The following LYPD5 variants were observed in gnomAD, a reference collection of about 807,000 sequenced individuals.
The protein encoded by LYPD5 is ly6/PLAUR domain-containing protein 5.
A neutral mutation model predicts 19.1 loss-of-function variants in LYPD5; 21 were observed. The observed-to-expected ratio is 1.10, with a 90% CI of 0.78 to 1.58. LYPD5 has a LOEUF of 1.58. Among genes scored for constraint, LYPD5 ranks in the 40% most tolerant of loss-of-function variants. LYPD5 has a pLI of 0.00. For synonymous variants in LYPD5, 128 were observed against 142.7 expected, an observed-to-expected ratio of 0.90 and a Z score of 0.74; for missense variants, 287 against 329.8, an observed-to-expected ratio of 0.87 and a Z score of 1.00.
At chr19:43,799,027 A>C in intron 2 of LYPD5, 39 bp from the exon 3 acceptor site, 1 of 1,509,516 alleles carries the variant, frequency 6.6e-7, no homozygotes, top group Non-Finnish European at 8.9e-7. Flanking sequence ...GCTTCCCGAA[A>C]CCCTTCTCCC....
chr19:43,799,706 C>T lies in LYPD5; in HGVS notation c.193G>A (p.Gly65Arg), dbSNP rs373388413. The T allele has an allele frequency of 3.3e-5, 54 of 1,612,962 alleles. No homozygotes were observed. Among genetic ancestry groups the T allele is most frequent in the Non-Finnish European group, 4.3e-5 (51 of 1,179,590 alleles). ...CTGTCCCCCGGCTCCCGCTCCTTAC[C>T]GGTGTCCAGAGACAGGATAGCCTCA... Reference protein sequence around the residue: ...CFEAILSLDTGYRAPVTLVRK... With the variant: ...CFEAILSLDTRYRAPVTLVRK... The change falls in exon 2 of 5, where the codon GGG becomes AGG. Residue 65 changes from glycine (G) to arginine (R), a missense_variant and splice_region_variant. By Grantham distance (125) the Gly-to-Arg change is moderately radical (BLOSUM62 -2). Transcript: ENST00000377950.
chr19:43,796,364 T>G lies in LYPD5; in HGVS notation c.*1227A>C, dbSNP rs1336988392. ...AACATGCTAAAGGATCCCATCTCTATGAAGTTCATGCAGTTATGAAAGTGT... is the reference window on the plus strand; with the variant it reads ...AACATGCTAAAGGATCCCATCTCTAGGAAGTTCATGCAGTTATGAAAGTGT... On this transcript the variant is annotated 3_prime_UTR_variant, in exon 5 of 5. Transcript: ENST00000377950. 1 of 148,696 alleles carries G rather than the reference T, an allele frequency of 6.7e-6. No homozygotes were observed. Among genetic ancestry groups the G allele is most frequent in the East Asian group, 1.9e-4 (1 of 5,168 alleles). 9.2% of individuals were successfully genotyped at this position (148,696 alleles called of 1,614,324 possible). A position where few individuals can be genotyped will look rare whatever the true frequency, so the allele number is the denominator to read the frequency against.
In LYPD5 at chr19:43,796,699, T is replaced by A. The variant is rs1292217332; in HGVS notation, c.*892A>T. Reference sequence around the variant, plus strand: ...GGGAATCTGGTCCCTGAATCCATACTCACTAGATACACAAGCTCAACCAAG... The same window carrying A: ...GGGAATCTGGTCCCTGAATCCATACACACTAGATACACAAGCTCAACCAAG... On this transcript the variant is annotated 3_prime_UTR_variant, in exon 5 of 5. Transcript: ENST00000377950. 1 of 152,192 alleles carries A rather than the reference T, an allele frequency of 6.6e-6. No individual in the cohort carries two copies. Among genetic ancestry groups the A allele is most frequent in the Non-Finnish European group, 1.5e-5 (1 of 68,056 alleles). The allele number at this position is 152,192 out of a possible 1,614,324, so 9.4% of individuals were successfully genotyped here. A position where few individuals can be genotyped will look rare whatever the true frequency, so the allele number is the denominator to read the frequency against.
At chr19:43,804,900 T>A (rs1238724063), upstream of LYPD5, among the ~76,000 whole-genome samples, 1 of 152,194 alleles carries the variant, frequency 6.6e-6, no homozygotes, top group Non-Finnish European at 1.5e-5. Flanking sequence ...GCTTACAGGG[T>A]AGGCAGACCA....
chr19:43,816,425 A>G (rs1220178367), intron 1 of LYPD5, among the ~76,000 whole-genome samples: 2 of 152,216 alleles, frequency 1.3e-5, no homozygotes, highest in African/African-American at 4.8e-5. Flanking sequence ...TGTGGACTAC[A>G]ATATGACGGA....
chr19:43,802,573 C>T (rs1232116655), upstream of LYPD5: 1 of 586,908 alleles, frequency 1.7e-6, no homozygotes, highest in East Asian at 2.9e-5. Context: ...TGGAGATCTA[C>T]ACTTCTGGGT....
Position 43,799,836 on chromosome 19 carries a change from TG to T in LYPD5, c.65-3del. 6.2e-7 allele frequency: 1 copy of T among 1,609,334 alleles called. No homozygotes were observed. Among genetic ancestry groups the T allele is most frequent in the Non-Finnish European group, 8.5e-7 (1 of 1,177,954 alleles). Reference sequence around the variant, plus strand: ...TGTAGCACTGCAGGGCTTGGGACCCTGGGGAGAGAGGCGTGGCAGAGTCAGC... The same window carrying T: ...TGTAGCACTGCAGGGCTTGGGACCCTGGGAGAGAGGCGTGGCAGAGTCAGC... On this transcript the variant is annotated splice_polypyrimidine_tract_variant and splice_region_variant and intron_variant, in intron 1 of 4. Coordinates refer to ENST00000377950, the MANE Select transcript of LYPD5 (RefSeq NM_001031749.3).
chr19:43,816,315 G>C (rs1030741684), intron 1 of LYPD5, among the ~76,000 whole-genome samples: 3 of 152,172 alleles, frequency 2.0e-5, no homozygotes, highest in African/African-American at 7.2e-5. Flanking sequence ...GGCTTCTACA[G>C]TGATTGCCAC....
Position 43,799,617 on chromosome 19 carries a change from T to C in LYPD5, c.193+89A>G, listed in dbSNP as rs1970194335. 2.3e-6 allele frequency: 3 copies of C among 1,316,544 alleles called. No homozygotes were observed. The Admixed American group carries it at 7.4e-5, about 33-fold the overall frequency. The allele number at this position is 1,316,544 out of a possible 1,614,324, so 81.6% of individuals were successfully genotyped here. ...TCTTTCTATCTTTATCTTTTCATCT[T>C]CTACTCAATTCCCCTCCCTTTCTGC... is the stretch of plus-strand genomic sequence containing the variant. On this transcript the variant is annotated intron_variant, in intron 2 of 4. Transcript: ENST00000377950.
At chr19:43,799,619 T>C in intron 2 of LYPD5, 87 bp downstream of exon 2, 2 of 1,328,638 alleles carry the variant, frequency 1.5e-6, no homozygotes, top group East Asian at 2.5e-5. Context: ...TTTCATCTTC[T>C]ACTCAATTCC....
chr19:43,808,650 A>G (rs1970291732), intron 1 of LYPD5, among the ~76,000 whole-genome samples: 1 of 152,196 alleles, frequency 6.6e-6, no homozygotes, highest in Admixed American at 6.5e-5. Context: ...TGTTCTGCTC[A>G]ATAATTAATG....
intron 4 of LYPD5, 82 bp from the exon 5 acceptor site, chr19:43,797,911 C>T: frequency 9.2e-7 from 1 of 1,088,226 alleles, no homozygotes. Flanking sequence ...TAGCTAGGGC[C>T]ATGCCTCGGT....
At chr19:43,809,488 C>G (rs1343763928) in intron 1 of LYPD5, among the ~76,000 whole-genome samples, 1 of 152,230 alleles carries the variant, frequency 6.6e-6, no homozygotes, top group Non-Finnish European at 1.5e-5. Flanking sequence ...TCAAGCGATT[C>G]TCCTGCCTCA....
chr19:43,818,839 A>C (rs1970394880), intron 1 of LYPD5, among the ~76,000 whole-genome samples: 1 of 152,238 alleles, frequency 6.6e-6, no homozygotes, highest in African/African-American at 2.4e-5. Flanking sequence ...CCTGGTGATG[A>C]TTAGAGTTTA....
chr19:43,819,107 TC>T (rs1970397323), intron 1 of LYPD5, among the ~76,000 whole-genome samples: 2 of 152,158 alleles, frequency 1.3e-5, no homozygotes, highest in Non-Finnish European at 2.9e-5. Flanking sequence ...ATGGATCACT[TC>T]AAATAAGCAG....
intron 1 of LYPD5, among the ~76,000 whole-genome samples, chr19:43,813,346 C>T (rs1970342917): frequency 6.6e-6 from 1 of 152,220 alleles, no homozygotes; most frequent in South Asian, 2.1e-4. Flanking sequence ...CCATGTGACA[C>T]ACCTGTTCCC....
upstream of LYPD5, among the ~76,000 whole-genome samples, chr19:43,803,677 G>A (rs1970247122): frequency 6.6e-6 from 1 of 152,090 alleles, no homozygotes; most frequent in South Asian, 2.1e-4. Context: ...TCATCCCTCG[G>A]TATTGTTTTC....
At chr19:43,817,049 T>C (rs936878405) in intron 1 of LYPD5, among the ~76,000 whole-genome samples, 5 of 152,200 alleles carry the variant, frequency 3.3e-5, no homozygotes, top group African/African-American at 7.2e-5. Flanking sequence ...ATCAGCAGCA[T>C]GAAAACAGAC....
intron 1 of LYPD5, 80 bp from the exon 2 acceptor site, chr19:43,799,914 C>T (rs556310410): frequency 1.3e-6 from 2 of 1,488,172 alleles, no homozygotes; most frequent in Non-Finnish European, 9.0e-7. Flanking sequence ...CAGCAAATGA[C>T]AGGCACACGG....
Sources: gnomAD v4.1 joint callset for allele counts (sites outside exome capture counted in the v4.1 genomes callset) on GRCh38, gnomAD v4.1.1 for gene constraint, MANE v1.5 for transcripts, NCBI Gene and HGNC (gene_info 2026-07-23, HGNC 2026-07-21) for gene names.